VPS13A: variants seen among roughly 807,000 people sequenced by gnomAD.
The protein encoded by VPS13A is vacuolar protein sorting 13 homolog A.
In VPS13A, 264 loss-of-function variants were observed where a neutral mutation model predicts 390.9. That is an observed-to-expected ratio of 0.68 (90% CI 0.61 to 0.75). The LOEUF (loss-of-function observed/expected upper bound fraction) is 0.75, where lower values mean the gene tolerates loss of function less well. VPS13A is among the 30% of genes least tolerant of loss of function. The pLI, the probability that VPS13A is intolerant of heterozygous loss-of-function variation, is 0.00. For missense variants in VPS13A, 3,409 were observed against 3,733.9 expected, an observed-to-expected ratio of 0.91 and a Z score of 2.27; for synonymous variants, 1,231 against 1,227.1, an observed-to-expected ratio of 1.00 and a Z score of -0.07.
At chr9:77,223,562 C>T (rs557397456) in intron 13 of VPS13A, among the ~76,000 whole-genome samples, 1 of 152,238 alleles carries the variant, frequency 6.6e-6, no homozygotes, top group Non-Finnish European at 1.5e-5. Context: ...TAGATGAAAT[C>T]AGCTACAGCA....
chr9:77,280,259 C>G, intron 27 of VPS13A, 21 bp downstream of exon 27: 1 of 1,569,432 alleles, frequency 6.4e-7, no homozygotes, highest in Non-Finnish European at 8.8e-7. Context: ...TCATTTATAT[C>G]TGCTTAATAT....
At chr9:77,385,080 G>C (rs1174855502) in intron 68 of VPS13A, 1 of 993,052 alleles carries the variant, frequency 1.0e-6, no homozygotes, top group African/African-American at 1.8e-5. Context: ...TAATGCCACT[G>C]TGTAAAAAAA....
At chr9:77,301,941 C>T (rs1306634247) in intron 33 of VPS13A, among the ~76,000 whole-genome samples, 1 of 150,314 alleles carries the variant, frequency 6.7e-6, no homozygotes, top group East Asian at 1.9e-4. Context: ...TGTTTGTTTA[C>T]AAATTACATA....
At chr9:77,373,096 A>G (rs1444577945) in intron 67 of VPS13A, among the ~76,000 whole-genome samples, 1 of 152,182 alleles carries the variant, frequency 6.6e-6, no homozygotes, top group Non-Finnish European at 1.5e-5. Context: ...ATCCCCATCA[A>G]GCTACCAATG....
At chr9:77,319,944 T>C (rs1829641177) in intron 42 of VPS13A, among the ~76,000 whole-genome samples, 1 of 152,156 alleles carries the variant, frequency 6.6e-6, no homozygotes, top group Non-Finnish European at 1.5e-5. Flanking sequence ...TCAGGTTGTC[T>C]CATCATGAGC....
In VPS13A at chr9:77,353,391, TTGGTGG is replaced by T; in HGVS notation, c.7420-16_7420-11del. The T allele has an allele frequency of 6.4e-7, 1 of 1,560,798 alleles. No homozygotes were observed. The highest frequency in any genetic ancestry group is 1.9e-5 in the Admixed American group (1 of 53,582). On this transcript the variant is annotated splice_polypyrimidine_tract_variant and intron_variant, in intron 53 of 71. Transcript: ENST00000360280. Reference sequence around the variant, plus strand: ...CTAATTTTTTGGTTTTTTTTTTTTTTTGGTGGTTTTATTCTAGGATATGATGATGCC... The same window carrying T: ...CTAATTTTTTGGTTTTTTTTTTTTTTTTTTATTCTAGGATATGATGATGCC...
intron 19 of VPS13A, 147 bp downstream of exon 19, chr9:77,238,533 T>A: frequency 1.4e-6 from 1 of 727,042 alleles, no homozygotes; most frequent in Non-Finnish European, 2.4e-6. Context: ...TTTAGTACTT[T>A]TATGTTTAAA....
chr9:77,195,778 T>A (rs1340941849), intron 1 of VPS13A, among the ~76,000 whole-genome samples: 2 of 152,154 alleles, frequency 1.3e-5, no homozygotes, highest in Non-Finnish European at 2.9e-5. Flanking sequence ...ATTTTTATTT[T>A]TATTTTTTTT....
intron 17 of VPS13A, among the ~76,000 whole-genome samples, chr9:77,235,552 G>C (rs768007439): frequency 2.0e-5 from 3 of 152,090 alleles, no homozygotes; most frequent in Non-Finnish European, 4.4e-5. Context: ...GGAGGTCTTT[G>C]AGCTTCTTGG....
At chr9:77,398,911 G>A (rs1210196108) in intron 68 of VPS13A, among the ~76,000 whole-genome samples, 2 of 146,580 alleles carry the variant, frequency 1.4e-5, no homozygotes, top group Admixed American at 7.0e-5. Flanking sequence ...GTAAACTATC[G>A]CAAGAACAAA....
chr9:77,244,533 A>G lies in VPS13A; in HGVS notation c.1901-2726A>G, dbSNP rs146554332. Among the ~76,000 whole-genome samples the G allele has an allele frequency of 4.7e-3, 711 of 152,306 alleles. 5 individuals carry two copies. Among genetic ancestry groups the G allele is most frequent in the South Asian group, 0.01 (50 of 4,818 alleles). On this transcript the variant is annotated intron_variant, in intron 19 of 71. Coordinates refer to ENST00000360280, the MANE Select transcript of VPS13A (RefSeq NM_033305.3). ...ACCTGAGGAGGGTTCTAGGGGCAGA[A>G]TACTGGCTTTTGAGTGCTGTTATGT...
intron 50 of VPS13A, 199 bp downstream of exon 50, chr9:77,340,749 T>G (rs1334247529): frequency 3.4e-6 from 2 of 593,268 alleles, no homozygotes; most frequent in African/African-American, 3.7e-5. Context: ...TAACTAGGAA[T>G]GCCCAGCTTG....
rs181530754 is a variant in VPS13A, at chr9:77,241,888, C to T, written c.1900+3502C>T. Among the ~76,000 whole-genome samples, 8 of 152,218 alleles carry T rather than the reference C, an allele frequency of 5.3e-5. No homozygotes were observed. In the East Asian group the frequency reaches 1.5e-3, roughly 29 times the overall value. ...TTTTTCTCACAGCCTTTGTTTGCAT[C>T]CCCCTGTGAGAGTGTTTTAGGGAGA... On this transcript the variant is annotated intron_variant, in intron 19 of 71. Transcript: ENST00000360280.
intron 46 of VPS13A, among the ~76,000 whole-genome samples, chr9:77,337,039 CG>C (rs1830576270): frequency 6.6e-6 from 1 of 151,780 alleles, no homozygotes; most frequent in Non-Finnish European, 1.5e-5. Context: ...CCTCGTGATA[CG>C]CCCGTCTCGG....
intron 70 of VPS13A, among the ~76,000 whole-genome samples, chr9:77,407,191 C>T (rs929042365): frequency 2.0e-5 from 3 of 152,154 alleles, no homozygotes; most frequent in Admixed American, 2.0e-4. Context: ...GGCCAGATAA[C>T]AACTGTGTAA....
chr9:77,305,129 G>A (rs1180571980), intron 34 of VPS13A, among the ~76,000 whole-genome samples: 2 of 151,922 alleles, frequency 1.3e-5, no homozygotes, highest in East Asian at 1.9e-4. Context: ...TAGTAGAGAC[G>A]GGATTTCACC....
chr9:77,230,524 A>G (rs968047681), intron 17 of VPS13A, among the ~76,000 whole-genome samples: 1 of 152,124 alleles, frequency 6.6e-6, no homozygotes, highest in Admixed American at 6.5e-5. Flanking sequence ...GCTTGTCAAA[A>G]TTTATAAGTT....
chr9:77,329,413 T>C (rs1373093804), intron 45 of VPS13A, among the ~76,000 whole-genome samples: 1 of 152,230 alleles, frequency 6.6e-6, no homozygotes, highest in Non-Finnish European at 1.5e-5. Context: ...GATTTAAAAG[T>C]GACAGACATG....
At chr9:77,196,255 A>ATG in intron 1 of VPS13A, among the ~76,000 whole-genome samples, 1 of 152,328 alleles carries the variant, frequency 6.6e-6, no homozygotes, top group Admixed American at 6.5e-5. Flanking sequence ...GTTTCAATAC[A>ATG]TGTATACATT....
Sources: gnomAD v4.1 joint callset for allele counts (sites outside exome capture counted in the v4.1 genomes callset) on GRCh38, gnomAD v4.1.1 for gene constraint, MANE v1.5 for transcripts, NCBI Gene and HGNC (gene_info 2026-07-23, HGNC 2026-07-21) for gene names.